NCKAP5: variants seen among roughly 807,000 people sequenced by gnomAD.
The protein encoded by NCKAP5 is nck-associated protein 5.
NCKAP5 carries 92 observed loss-of-function variants against 167.0 expected under a neutral mutation model. The ratio of observed to expected loss-of-function variants is 0.55; its 90% CI spans 0.47 to 0.66. The LOEUF is 0.66. Among genes scored for constraint, NCKAP5 ranks in the 30% least tolerant of loss-of-function variants. NCKAP5 has a pLI of 0.00. For synonymous variants in NCKAP5, 891 were observed against 877.4 expected (o/e 1.02, Z -0.27); for missense variants, 2,378 against 2,315.0 (o/e 1.03, Z -0.56).
At position 133,505,806 on chromosome 2, in the gene NCKAP5, T is replaced by C. The variant is rs560243343; in HGVS notation, c.69+11652A>G. On this transcript the variant is annotated intron_variant, in intron 3 of 19. Transcript: ENST00000409261. The stretch of plus-strand genomic sequence containing the variant: ...ACACAGCAAGTTCTTAATACAGCTT[T>C]CTTCCTGAGGCTGCCACTGCTACTT... Among the ~76,000 whole-genome samples, 3 of 152,366 alleles carry C rather than the reference T, an allele frequency of 2.0e-5. No homozygotes were observed. In the South Asian group the frequency reaches 6.2e-4, roughly 32 times the overall value.
At chr2:133,567,770 T>C (rs915062015) in intron 1 of NCKAP5, among the ~76,000 whole-genome samples, 2 of 150,060 alleles carry the variant, frequency 1.3e-5, no homozygotes, top group Non-Finnish European at 3.0e-5. Context: ...TAGAAATCCA[T>C]AAACCACAGA....
Position 132,783,867 on chromosome 2 carries a change from T to C in NCKAP5, c.2944A>G (p.Ile982Val), listed in dbSNP as rs1333564600. The change falls in exon 14 of 20, where the codon ATT (isoleucine) becomes GTT (valine). Residue 982 changes from isoleucine (I) to valine (V), a missense_variant. Ile to Val is a conservative substitution (Grantham distance 29). Around this residue, in one of 3 missense-constraint regions of NCKAP5, gnomAD observed 1,325 missense variants for 1,274.5 expected, o/e 1.04. Coordinates refer to ENST00000409261, the MANE Select transcript of NCKAP5 (RefSeq NM_207363.3). ...TCTGTCGTGGCCGGATTAGAAGAAA[T>C]AACTGGAGCAGAAATTCCTTTCAGC... ...PLLKGISAPV[I>V]SSNPATTEVQ... is the part of the protein sequence containing the mutation. 6 of 1,530,654 alleles carry C rather than the reference T, an allele frequency of 3.9e-6. No homozygotes were observed. In the African/African-American group the frequency reaches 5.6e-5, roughly 14 times the overall value. The allele number at this position is 1,530,654 out of a possible 1,614,324, so 94.8% of individuals were successfully genotyped here.
intron 6 of NCKAP5, among the ~76,000 whole-genome samples, chr2:133,025,496 G>A (rs1288902238): frequency 1.3e-5 from 2 of 152,200 alleles, no homozygotes; most frequent in African/African-American, 4.8e-5. Flanking sequence ...AGTGGATTAA[G>A]CATCTGTGAG....
At chr2:133,627,568 A>C in the NCKAP5 span, among the ~76,000 whole-genome samples, 1 of 152,002 alleles carries the variant, frequency 6.6e-6, no homozygotes, top group African/African-American at 2.4e-5. Context: ...TGAGGCCAGG[A>C]GTTTGAGACC....
At chr2:133,535,575 G>T (rs1685696874) in intron 2 of NCKAP5, among the ~76,000 whole-genome samples, 1 of 151,862 alleles carries the variant, frequency 6.6e-6, no homozygotes, top group Non-Finnish European at 1.5e-5. Context: ...GGACACTTAG[G>T]TTGATTCCAT....
At chr2:132,714,454 G>A (rs1324748498) in intron 19 of NCKAP5, among the ~76,000 whole-genome samples, 1 of 152,132 alleles carries the variant, frequency 6.6e-6, no homozygotes, top group African/African-American at 2.4e-5. Context: ...TGAGAAAGAG[G>A]CAAGGTGGGC....
At chr2:132,940,544 T>TA (rs201570554) in intron 8 of NCKAP5, among the ~76,000 whole-genome samples, 10 of 151,840 alleles carry the variant, frequency 6.6e-5, no homozygotes, top group Non-Finnish European at 1.2e-4. Context: ...TGAATAACAG[T>TA]AAAAAAAATA....
chr2:133,542,611 T>C (rs1686321627), intron 2 of NCKAP5, among the ~76,000 whole-genome samples: 1 of 152,236 alleles, frequency 6.6e-6, no homozygotes, highest in Non-Finnish European at 1.5e-5. Flanking sequence ...CCTGCTCACA[T>C]AACCAGCAGT....
intron 3 of NCKAP5, among the ~76,000 whole-genome samples, chr2:133,363,323 T>A (rs1190993766): frequency 6.7e-6 from 1 of 148,272 alleles, no homozygotes; most frequent in Non-Finnish European, 1.5e-5. Flanking sequence ...CCACACACAA[T>A]TTTTTTTTTT....
At chr2:132,745,156 G>C (rs1679532220) in intron 16 of NCKAP5, among the ~76,000 whole-genome samples, 1 of 151,620 alleles carries the variant, frequency 6.6e-6, no homozygotes, top group African/African-American at 2.4e-5. Context: ...ATCATACATA[G>C]AGGAAAAATA....
At chr2:133,365,760 T>A (rs1685418927) in intron 3 of NCKAP5, among the ~76,000 whole-genome samples, 1 of 152,244 alleles carries the variant, frequency 6.6e-6, no homozygotes, top group Admixed American at 6.5e-5. Flanking sequence ...GACTCCCTTT[T>A]ATTTATTGAT....
chr2:132,865,534 T>C (rs1367170906), intron 10 of NCKAP5, among the ~76,000 whole-genome samples: 1 of 152,212 alleles, frequency 6.6e-6, no homozygotes, highest in Non-Finnish European at 1.5e-5. Context: ...ATGCTCTTCC[T>C]GCTACAGAAG....
intron 4 of NCKAP5, among the ~76,000 whole-genome samples, chr2:133,280,522 T>C (rs1359982389): frequency 6.6e-6 from 1 of 152,056 alleles, no homozygotes; most frequent in Non-Finnish European, 1.5e-5. Context: ...TCCTCCCACC[T>C]CAGCCTCCTG....
chr2:132,860,121 A>T (rs1001218496), intron 11 of NCKAP5, among the ~76,000 whole-genome samples: 1 of 152,358 alleles, frequency 6.6e-6, no homozygotes, highest in African/African-American at 2.4e-5. Flanking sequence ...AATAAAAAAA[A>T]TGTGCTTTGG....
At chr2:132,937,376 A>G (rs1427435377) in intron 8 of NCKAP5, among the ~76,000 whole-genome samples, 1 of 152,234 alleles carries the variant, frequency 6.6e-6, no homozygotes, top group Non-Finnish European at 1.5e-5. Flanking sequence ...CATTCATATT[A>G]AAAACATTTA....
chr2:133,642,472 T>C, the NCKAP5 span, among the ~76,000 whole-genome samples: 2 of 152,228 alleles, frequency 1.3e-5, no homozygotes, highest in African/African-American at 2.4e-5. Flanking sequence ...CCTGTTTTTC[T>C]GCTGTAACAA....
chr2:133,406,002 T>G (rs2151037620), intron 3 of NCKAP5, among the ~76,000 whole-genome samples: 1 of 152,374 alleles, frequency 6.6e-6, no homozygotes, highest in East Asian at 1.9e-4. Context: ...CAGGTCTGTA[T>G]AATCCCCGAA....
rs1196050425 is a variant in NCKAP5 at position 133,383,891 on chromosome 2, C to T, written c.70-80781G>A. Reference sequence around the variant, plus strand: ...TTGAGAAGTGTCTGTTCATATCCTTCGCCCACTTTTTGATGGGGTTGTTTT... The same window carrying T: ...TTGAGAAGTGTCTGTTCATATCCTTTGCCCACTTTTTGATGGGGTTGTTTT... On this transcript the variant is annotated intron_variant, in intron 3 of 19. Transcript: ENST00000409261. 2.6e-4 allele frequency among the ~76,000 whole-genome samples: 39 copies of T among 152,234 alleles called. No individual in the cohort carries two copies. The East Asian group carries it at 4.0e-3, about 16-fold the overall frequency.
chr2:132,688,804 G>A (rs556011698), intron 19 of NCKAP5, among the ~76,000 whole-genome samples: 9 of 151,860 alleles, frequency 5.9e-5, no homozygotes, highest in East Asian at 3.9e-4. Flanking sequence ...TGGGCAACAC[G>A]GTGAGACTCT....
Sources: gnomAD v4.1 joint callset for allele counts (sites outside exome capture counted in the v4.1 genomes callset) on GRCh38, gnomAD v4.1.1 for gene constraint, gnomAD v4.1.1 regional missense constraint, MANE v1.5 for transcripts, NCBI Gene and HGNC (gene_info 2026-07-23, HGNC 2026-07-21) for gene names.